MEAK7: variants seen among roughly 807,000 people sequenced by gnomAD.
MEAK7 encodes the protein MTOR-associated protein MEAK7.
MEAK7 carries 68 observed loss-of-function variants against 40.5 expected under a neutral mutation model. The ratio of observed to expected loss-of-function variants is 1.68; its 90% CI spans 1.38 to 2.06. The LOEUF (loss-of-function observed/expected upper bound fraction) is 2.06. MEAK7 is among the 30% of genes most tolerant of loss of function. The pLI is 0.00. For missense variants in MEAK7, 918 were observed against 580.5 expected (o/e 1.58, Z -5.98); for synonymous variants, 338 against 231.9 (o/e 1.46, Z -4.16).
chr16:84,503,600 G>T (rs942931991), intron 1 of MEAK7, among the ~76,000 whole-genome samples: 1 of 152,182 alleles, frequency 6.6e-6, no homozygotes, highest in Non-Finnish European at 1.5e-5. Context: ...AGGTTGAGAA[G>T]ATTAAATAAG....
intron 4 of MEAK7, among the ~76,000 whole-genome samples, chr16:84,488,662 A>G (rs1451692507): frequency 1.3e-5 from 2 of 152,242 alleles, no homozygotes; most frequent in African/African-American, 4.8e-5. Flanking sequence ...ACAGGCATGG[A>G]GAAATTAAAT....
In MEAK7 at chr16:84,489,648, G is replaced by C. The variant is rs541837776; in HGVS notation, c.385-226C>G. 5.3e-5 allele frequency among the ~76,000 whole-genome samples: 8 copies of C among 152,260 alleles called. No individual in the cohort carries two copies. In the South Asian group the frequency reaches 1.7e-3, roughly 32 times the overall value. ...CAGGAGTTCTGACCTCATCCCAACA[G>C]TATTGGGGTTTAGGACTCCCCGAGG... On this transcript the variant is annotated intron_variant, in intron 3 of 7. Transcript: ENST00000343629.
At chr16:84,489,044 A>T (rs1447651347) in intron 4 of MEAK7, among the ~76,000 whole-genome samples, 1 of 152,244 alleles carries the variant, frequency 6.6e-6, no homozygotes, top group African/African-American at 2.4e-5. Context: ...GACTAAGAGG[A>T]AAAAGGGACA....
intron 3 of MEAK7, among the ~76,000 whole-genome samples, chr16:84,494,542 G>T (rs776507445): frequency 6.6e-6 from 1 of 152,034 alleles, no homozygotes; most frequent in Non-Finnish European, 1.5e-5. Context: ...GAGTAACAGC[G>T]ACCTATTTAT....
At chr16:84,489,520 T>A (rs776741350) in intron 3 of MEAK7, 98 bp from the exon 4 acceptor site, 2 of 1,348,092 alleles carry the variant, frequency 1.5e-6, no homozygotes, top group East Asian at 4.8e-5. Flanking sequence ...TAACACCAAC[T>A]ATGATGGGCC....
chr16:84,504,482 G>A (rs1019450315), intron 1 of MEAK7, 119 bp downstream of exon 1: 17 of 589,532 alleles, frequency 2.9e-5, no homozygotes, highest in Non-Finnish European at 3.6e-5. Flanking sequence ...GAAGAGGCGT[G>A]GGAGGCCAGG....
At position 84,486,815 on chromosome 16, in the gene MEAK7, C is replaced by T. The variant is rs992030114; in HGVS notation, c.774G>A (p.Leu258=). ...VLSVMYINAQ[L]PREQRHRWCL... The stretch of plus-strand genomic sequence containing the variant: ...ACCAGCGGTGCCGCTGCTCCCGAGG[C>T]AGCTGGGCGTTGATGTACATGACAG... The change falls in exon 5 of 8, where the codon CTG becomes CTA. Residue 258 remains leucine (L), a synonymous_variant. Transcript: ENST00000343629. 3 of 1,613,912 alleles carry T rather than the reference C, an allele frequency of 1.9e-6. No homozygotes were observed. The highest frequency in any genetic ancestry group is 2.5e-6 in the Non-Finnish European group (3 of 1,179,914).
Position 84,480,150 on chromosome 16 carries a change from C to G in MEAK7, c.1258-124G>C, listed in dbSNP as rs564216672. ...CCGGTTCCCCCTAAGGCCCCTCCCACTCTGGGATTCAGTGGCTGGGTGGGT... is the reference window on the plus strand; with the variant it reads ...CCGGTTCCCCCTAAGGCCCCTCCCAGTCTGGGATTCAGTGGCTGGGTGGGT... On this transcript the variant is annotated intron_variant, in intron 7 of 7. Coordinates refer to ENST00000343629, the MANE Select transcript of MEAK7 (RefSeq NM_020947.4). 2.8e-5 allele frequency: 21 copies of G among 742,446 alleles called. No homozygotes were observed. The South Asian group carries it at 4.3e-4, about 15-fold the overall frequency. The allele number at this position is 742,446 out of a possible 1,614,324, so 46.0% of individuals were successfully genotyped here. A position where few individuals can be genotyped will look rare whatever the true frequency, so the allele number is the denominator to read the frequency against.
chr16:84,503,209 A>G (rs1439808615), intron 1 of MEAK7, among the ~76,000 whole-genome samples: 3 of 151,940 alleles, frequency 2.0e-5, no homozygotes, highest in Non-Finnish European at 4.4e-5. Flanking sequence ...TATATGGTAA[A>G]AAAAAAATCT....
intron 2 of MEAK7, 74 bp downstream of exon 2, chr16:84,497,860 G>C: frequency 4.4e-6 from 7 of 1,594,004 alleles, no homozygotes; most frequent in South Asian, 2.2e-5. Context: ...CACGAAAGCA[G>C]ATTCTGGCCT....
rs762781223 is a variant in MEAK7, at chr16:84,486,729, G to C, written c.860C>G (p.Thr287Ser). The change falls in exon 5 of 8, where the codon ACT becomes AGT. Residue 287 changes from threonine to serine, a missense_variant. Physicochemically the swap from Thr to Ser is moderately conservative, Grantham distance 58. Transcript: ENST00000343629. ...GACAGCCACACAGGGTCCCCGGTGAGTGATGTGGCCACAGAGCTGGGAGAA... is the reference window on the plus strand; with the variant it reads ...GACAGCCACACAGGGTCCCCGGTGACTGATGTGGCCACAGAGCTGGGAGAA... ...HSFSQLCGHITHRGPCVAVLE... is the reference protein window; with the variant it reads ...HSFSQLCGHISHRGPCVAVLE... The C allele has an allele frequency of 8.7e-6, 14 of 1,613,944 alleles. No homozygotes were observed. In the Admixed American group the frequency reaches 1.8e-4, roughly 21 times the overall value.
intron 5 of MEAK7, among the ~76,000 whole-genome samples, chr16:84,485,012 G>T (rs1408012998): frequency 6.6e-6 from 1 of 152,222 alleles, no homozygotes; most frequent in Non-Finnish European, 1.5e-5. Context: ...CCCTGATCAT[G>T]ATGCTCAGGG....
chr16:84,504,008 T>G, intron 1 of MEAK7: 1 of 985,484 alleles, frequency 1.0e-6, no homozygotes, highest in East Asian at 1.1e-4. Flanking sequence ...GGCTTCGAAG[T>G]CCTGTCTGTG....
rs57708607 is a variant in MEAK7 at position 84,491,538 on chromosome 16, T to TAAAAAAA, written c.385-2123_385-2117dup. Reference sequence around the variant, plus strand: ...TGGGCAACGGAGCGAGACCCTGTCTTAAAAAAAAAAAAAAAAACGTCTGGG... The same window carrying TAAAAAAA: ...TGGGCAACGGAGCGAGACCCTGTCTTAAAAAAAAAAAAAAAAAAAAAAAACGTCTGGG... On this transcript the variant is annotated intron_variant, in intron 3 of 7. Coordinates refer to ENST00000343629, the MANE Select transcript of MEAK7 (RefSeq NM_020947.4). 5.9e-3 allele frequency among the ~76,000 whole-genome samples: 724 copies of TAAAAAAA among 122,830 alleles called. 11 individuals are homozygous for TAAAAAAA. Among genetic ancestry groups the TAAAAAAA allele is most frequent in the African/African-American group, 9.5e-3 (315 of 33,020 alleles). 80.6% of individuals were successfully genotyped at this position (122,830 alleles called of 152,430 possible).
intron 4 of MEAK7, among the ~76,000 whole-genome samples, chr16:84,488,679 C>G (rs1045947613): frequency 3.3e-5 from 5 of 152,158 alleles, no homozygotes; most frequent in Non-Finnish European, 7.3e-5. Flanking sequence ...AAATAACACA[C>G]TGTTACATAG....
chr16:84,486,403 G>A, intron 5 of MEAK7: 2 of 1,320,038 alleles, frequency 1.5e-6, no homozygotes, highest in East Asian at 3.0e-5. Flanking sequence ...GTAATAACTG[G>A]GCCCGTGTCC....
chr16:84,504,658 A>G lies in MEAK7; in HGVS notation c.-83T>C. 1 of 985,606 alleles carries G rather than the reference A, an allele frequency of 1.0e-6. No individual in the cohort carries two copies. The highest frequency in any genetic ancestry group is 1.2e-6 in the Non-Finnish European group (1 of 830,030). 61.1% of individuals were successfully genotyped at this position (985,606 alleles called of 1,614,324 possible). ...TCCAGCAGCCCACGGGCTCCTCTCGAGAGCCGCCCCTTCCCTGTTGCCAGG... is the reference window on the plus strand; with the variant it reads ...TCCAGCAGCCCACGGGCTCCTCTCGGGAGCCGCCCCTTCCCTGTTGCCAGG... On this transcript the variant is annotated 5_prime_UTR_variant, in exon 1 of 8. Transcript: ENST00000343629.
intron 4 of MEAK7, chr16:84,487,357 A>C: frequency 3.0e-6 from 1 of 334,354 alleles, no homozygotes; most frequent in Non-Finnish European, 5.5e-6. Flanking sequence ...CTCTTTTAAC[A>C]TGGTCCCTAG....
chr16:84,504,507 A>T (rs1914740849), intron 1 of MEAK7, 94 bp downstream of exon 1: 1 of 801,600 alleles, frequency 1.2e-6, no homozygotes, highest in Non-Finnish European at 1.5e-6. Flanking sequence ...GGCAGGGCCC[A>T]GGCCTACTCT....
Sources: allele counts gnomAD v4.1 joint callset (sites outside exome capture counted in the v4.1 genomes callset), GRCh38; gene constraint gnomAD v4.1.1; transcripts MANE v1.5; gene names NCBI Gene and HGNC (gene_info 2026-07-23, HGNC 2026-07-21).